Variants in PHF8 observed in about 807,000 individuals in gnomAD.
PHF8 encodes histone lysine demethylase PHF8.
Under a neutral mutation model 74.4 loss-of-function variants are expected in PHF8, and 9 were observed. The ratio of observed to expected loss-of-function variants is 0.12; its 90% CI spans 0.07 to 0.21. The LOEUF is 0.21. Among genes scored for constraint, PHF8 ranks in the 10% least tolerant of loss-of-function variants. The probability of loss-of-function intolerance (pLI) is 1.00; values close to 1 mark genes in which losing one functional copy is unlikely to be tolerated. For synonymous variants in PHF8, 311 were observed against 316.6 expected (o/e 0.98, Z 0.19); for missense variants, 478 against 816.6 (o/e 0.59, Z 5.05).
intron 19 of PHF8, among the ~76,000 whole-genome samples, chrX:53,952,884 C>T (rs1321094334): frequency 3.4e-5 from 3 of 89,369 alleles, no homozygotes; most frequent in Non-Finnish European, 6.5e-5. Flanking sequence ...CGAGACTCTG[C>T]CTCAAAAAAA....
At chrX:53,957,953 T>C (rs1240294057) in intron 19 of PHF8, among the ~76,000 whole-genome samples, 2 of 112,056 alleles carry the variant, frequency 1.8e-5, no homozygotes, top group Non-Finnish European at 3.8e-5. Context: ...GTTCAATGCC[T>C]GCATACATTT....
At chrX:53,956,909 C>CA (rs2065022044) in intron 19 of PHF8, among the ~76,000 whole-genome samples, 1 of 110,682 alleles carries the variant, frequency 9.0e-6, no homozygotes. Context: ...TATGAATTAC[C>CA]AAGGATCAAA....
In PHF8 at chrX:54,044,274, A is replaced by C; in HGVS notation, c.-605T>G. On this transcript the variant is annotated 5_prime_UTR_variant, in exon 1 of 22. Transcript: ENST00000338154. ...GAACCGGCCGCCACGTCCGAGGCAC[A>C]CGGCCCGAAAAGTCGCTGGGAGAAG... 1 of 754,369 alleles carries C rather than the reference A, an allele frequency of 1.3e-6. No individual in the cohort carries two copies. Among genetic ancestry groups the C allele is most frequent in the East Asian group, 1.5e-4 (1 of 6,645 alleles). 62.2% of individuals were successfully genotyped at this position (754,369 alleles called of 1,213,427 possible).
At chrX:53,981,817 G>C (rs996988222) in intron 18 of PHF8, among the ~76,000 whole-genome samples, 2 of 111,695 alleles carry the variant, frequency 1.8e-5, no homozygotes, top group Non-Finnish European at 3.8e-5. Flanking sequence ...ATTGTTTTTA[G>C]TGCACAAATT....
At chrX:54,039,133 CAAA>C (rs61507959) in intron 2 of PHF8, among the ~76,000 whole-genome samples, 2 of 42,612 alleles carry the variant, frequency 4.7e-5, no homozygotes. Context: ...GACTCTGTCT[CAAA>C]AAAAAAAAAA....
At chrX:53,989,077 C>T (rs781951735) in intron 14 of PHF8, among the ~76,000 whole-genome samples, 1 of 109,268 alleles carries the variant, frequency 9.2e-6, no homozygotes, top group Non-Finnish European at 1.9e-5. Flanking sequence ...ATTCTCCTGT[C>T]TCAGCCTCCC....
chrX:54,046,568 G>A (rs1212984736), upstream of PHF8, among the ~76,000 whole-genome samples: 1 of 84,675 alleles, frequency 1.2e-5, no homozygotes, highest in African/African-American at 3.7e-5. Context: ...GGGTGACAGA[G>A]CGAGACTCCA....
chrX:53,985,828 T>G lies in PHF8; in HGVS notation c.2117A>C (p.Tyr706Ser), dbSNP rs782680617. Residue 706 changes from tyrosine (Y) to serine (S), a missense_variant, in exon 17 of 22, where the codon TAT becomes TCT. By Grantham distance (144) the Tyr-to-Ser change is moderately radical (BLOSUM62 -2). This residue lies in a region of PHF8 where 45 missense variants were observed against 94.4 expected (regional missense o/e 0.48). Transcript: ENST00000338154. ...KASRQVGGPD[Y>S]AALTEAPASP... ...AGCCAGTACTCACGTGAGGGCAGCA[T>G]AGTCAGGTCCCCCCACCTGCCTGCT... 2 of 1,211,614 alleles carry G rather than the reference T, an allele frequency of 1.7e-6. No individual in the cohort carries two copies. The highest frequency in any genetic ancestry group is 2.2e-6 in the Non-Finnish European group (2 of 895,312).
At chrX:53,958,319 C>T (rs1430706940) in intron 19 of PHF8, among the ~76,000 whole-genome samples, 3 of 107,088 alleles carry the variant, frequency 2.8e-5, no homozygotes, top group African/African-American at 3.4e-5. Flanking sequence ...GGATTACAGG[C>T]GTGAGCCACC....
In PHF8 at chrX:53,939,134, G is replaced by T; in HGVS notation, c.*24C>A. On this transcript the variant is annotated 3_prime_UTR_variant, in exon 22 of 22. Coordinates refer to ENST00000338154, the MANE Select transcript of PHF8 (RefSeq NM_015107.3). ...TGGAGAAGGCAATGGGGGTAAAGGG[G>T]TGAGGGGTGGGACACAGGAGGGCTC... 8.3e-7 allele frequency: 1 copy of T among 1,206,752 alleles called. No homozygotes were observed. Among genetic ancestry groups the T allele is most frequent in the Non-Finnish European group, 1.1e-6 (1 of 891,753 alleles).
intron 6 of PHF8, among the ~76,000 whole-genome samples, chrX:54,016,339 C>CA (rs781788695): frequency 1.5e-4 from 16 of 110,008 alleles, no homozygotes; most frequent in African/African-American, 4.6e-4. Context: ...ACTAAACATA[C>CA]AAAAATTAGC....
intron 9 of PHF8, 58 bp downstream of exon 9, chrX:54,002,537 T>C: frequency 1.3e-6 from 1 of 748,054 alleles, no homozygotes. Context: ...TACATTATAC[T>C]CCTCACTCTA....
At position 53,987,963 on chromosome X, in the gene PHF8, T is replaced by C; in HGVS notation, c.1731-19A>G. The stretch of plus-strand genomic sequence containing the variant: ...TTTCGTACTGAAGGGAAGGAGAACA[T>C]AAAAACAGTCACTAGCAGTATTGTT... On this transcript the variant is annotated intron_variant, in intron 14 of 21. Coordinates refer to ENST00000338154, the MANE Select transcript of PHF8 (RefSeq NM_015107.3). 5 of 1,164,814 alleles carry C rather than the reference T, an allele frequency of 4.3e-6. No homozygotes were observed. Among genetic ancestry groups the C allele is most frequent in the Non-Finnish European group, 4.7e-6 (4 of 857,580 alleles).
chrX:54,045,551 A>C (rs2066626853), upstream of PHF8, among the ~76,000 whole-genome samples: 1 of 112,509 alleles, frequency 8.9e-6, no homozygotes, highest in African/African-American at 3.2e-5. Flanking sequence ...CAGTAAGCAC[A>C]CAAATACCAC....
intron 4 of PHF8, among the ~76,000 whole-genome samples, chrX:54,020,768 G>A (rs1361900874): frequency 9.6e-6 from 1 of 103,922 alleles, no homozygotes; most frequent in Admixed American, 1.0e-4. Context: ...CAGAAAACCT[G>A]AAAAGAAGTA....
intron 19 of PHF8, among the ~76,000 whole-genome samples, chrX:53,945,681 A>T (rs1355814416): frequency 9.0e-6 from 1 of 110,638 alleles, no homozygotes; most frequent in Non-Finnish European, 1.9e-5. Flanking sequence ...ACATCTCCAG[A>T]GTGTGTACAG....
At chrX:54,022,735 A>G (rs2066199717) in intron 3 of PHF8, 23 bp downstream of exon 3, 1 of 1,027,853 alleles carries the variant, frequency 9.7e-7, no homozygotes, top group Non-Finnish European at 1.4e-6. Context: ...TGTCTTCTCT[A>G]GGAAACCCTA....
rs2046878166 is a variant in PHF8, at chrX:54,043,764, G to A, written c.-95C>T. On this transcript the variant is annotated splice_region_variant and 5_prime_UTR_variant, in exon 1 of 22. Transcript: ENST00000338154. ...GCCTCGCAGCCCCCAAAACTTACAGGAATCTTAACGCTTCCCCAACTGACA... is the reference window on the plus strand; with the variant it reads ...GCCTCGCAGCCCCCAAAACTTACAGAAATCTTAACGCTTCCCCAACTGACA... 1.4e-6 allele frequency: 1 copy of A among 726,539 alleles called. No homozygotes were observed. Among genetic ancestry groups the A allele is most frequent in the Non-Finnish European group, 1.6e-6 (1 of 614,118 alleles). 59.9% of individuals were successfully genotyped at this position (726,539 alleles called of 1,213,427 possible).
intron 14 of PHF8, 93 bp from the exon 15 acceptor site, chrX:53,988,037 T>C (rs2065595177): frequency 1.5e-6 from 1 of 669,143 alleles, no homozygotes; most frequent in Non-Finnish European, 2.4e-6. Flanking sequence ...ACAGATTCAA[T>C]ACAATCCCTA....
Sources: gnomAD v4.1 joint callset for allele counts (sites outside exome capture counted in the v4.1 genomes callset) on GRCh38, gnomAD v4.1.1 for gene constraint, gnomAD v4.1.1 regional missense constraint, MANE v1.5 for transcripts, NCBI Gene and HGNC (gene_info 2026-07-23, HGNC 2026-07-21) for gene names.